HOMER1: variants seen among roughly 807,000 people sequenced by gnomAD.
HOMER1 encodes the protein homer scaffold protein 1.
Under a neutral mutation model 48.9 loss-of-function variants are expected in HOMER1, and 3 were observed. The ratio of observed to expected loss-of-function variants is 0.06; its 90% CI spans 0.03 to 0.16. The LOEUF (loss-of-function observed/expected upper bound fraction) is 0.16. Among genes scored for constraint, HOMER1 ranks in the 10% least tolerant of loss-of-function variants. The probability of loss-of-function intolerance (pLI) is 1.00; values close to 1 mark genes in which losing one functional copy is unlikely to be tolerated. For synonymous variants in HOMER1, 134 were observed against 146.4 expected, an observed-to-expected ratio of 0.92 and a Z score of 0.61; for missense variants, 247 against 411.4, an observed-to-expected ratio of 0.60 and a Z score of 3.46.
chr5:79,402,358 CG>C (rs1749555468), intron 5 of HOMER1, among the ~76,000 whole-genome samples: 1 of 151,860 alleles, frequency 6.6e-6, no homozygotes, highest in African/African-American at 2.4e-5. Flanking sequence ...TTAGTACAGA[CG>C]GGGTTTCCCA....
intron 1 of HOMER1, among the ~76,000 whole-genome samples, chr5:79,457,560 G>C (rs1364787908): frequency 6.6e-6 from 1 of 152,196 alleles, no homozygotes; most frequent in Non-Finnish European, 1.5e-5. Flanking sequence ...AGAAGGCTGT[G>C]ATGTGGAGAA....
chr5:79,380,890 C>T (rs543732301), intron 8 of HOMER1, among the ~76,000 whole-genome samples: 119 of 151,986 alleles, frequency 7.8e-4, no homozygotes, highest in African/African-American at 2.7e-3. Context: ...AGCCCTTTGC[C>T]GCCACTGCCA....
At chr5:79,467,391 C>CAA (rs71767032) in intron 1 of HOMER1, among the ~76,000 whole-genome samples, 16,453 of 50,966 alleles carry the variant, frequency 0.32, 2,079 homozygotes, top group South Asian at 0.39. Flanking sequence ...AACTCCATCT[C>CAA]AAAAAAAAAA....
chr5:79,474,206 ATTTTTTTTT>A (rs1009644672), intron 1 of HOMER1, among the ~76,000 whole-genome samples: 5 of 98,724 alleles, frequency 5.1e-5, no homozygotes, highest in African/African-American at 1.4e-4. Context: ...CCCAACCAAA[ATTTTTTTTT>A]TTTTTTTTTT....
chr5:79,372,984 C>G lies in HOMER1; in HGVS notation c.*3025G>C, dbSNP rs1486920382. On this transcript the variant is annotated 3_prime_UTR_variant, in exon 9 of 9. Transcript: ENST00000334082. ...AATCTATGATGGTGCTGGAGATCTT[C>G]TATAGAGACAAGGAGAGATGCAACT... is the stretch of plus-strand genomic sequence containing the variant. 8 of 151,992 alleles carry G rather than the reference C, an allele frequency of 5.3e-5. No individual in the cohort carries two copies. 9.4% of individuals were successfully genotyped at this position (151,992 alleles called of 1,614,324 possible).
At chr5:79,510,410 G>A (rs576830486) in intron 1 of HOMER1, 9 of 634,252 alleles carry the variant, frequency 1.4e-5, no homozygotes, top group Non-Finnish European at 2.4e-5. Flanking sequence ...AGGCGCTTCA[G>A]GAGCCGCGCC....
chr5:79,380,133 T>C (rs535904866), intron 8 of HOMER1, among the ~76,000 whole-genome samples: 1 of 152,214 alleles, frequency 6.6e-6, no homozygotes, highest in African/African-American at 2.4e-5. Context: ...GATTCCCCAA[T>C]ATGGATAAAG....
In HOMER1 at chr5:79,481,763, TAA is replaced by T. The variant is rs375798641; in HGVS notation, c.6-24747_6-24746del. 2.3e-3 allele frequency among the ~76,000 whole-genome samples: 350 copies of T among 152,206 alleles called. 1 individual carries two copies. The highest frequency in any genetic ancestry group is 8.1e-3 in the African/African-American group (336 of 41,516). On this transcript the variant is annotated intron_variant, in intron 1 of 8. Transcript: ENST00000334082. ...AAGGGAGAGCACATGGGACATTGGGTAAAGTTTCCATAAAGGCATCTCCTCAG... is the reference window on the plus strand; with the variant it reads ...AAGGGAGAGCACATGGGACATTGGGTAGTTTCCATAAAGGCATCTCCTCAG...
At chr5:79,431,762 C>G (rs532875786) in intron 5 of HOMER1, among the ~76,000 whole-genome samples, 1 of 152,152 alleles carries the variant, frequency 6.6e-6, no homozygotes, top group Non-Finnish European at 1.5e-5. Context: ...GTACAATGTA[C>G]ATTTATTTAA....
At chr5:79,385,639 C>T (rs1051992723) in intron 8 of HOMER1, among the ~76,000 whole-genome samples, 1 of 151,858 alleles carries the variant, frequency 6.6e-6, no homozygotes, top group Non-Finnish European at 1.5e-5. Context: ...GTCAAAAGTT[C>T]CAGACCAGCC....
chr5:79,493,419 C>CT (rs1280024816), intron 1 of HOMER1, among the ~76,000 whole-genome samples: 1 of 152,162 alleles, frequency 6.6e-6, no homozygotes, highest in Non-Finnish European at 1.5e-5. Context: ...ATGGCCCTGC[C>CT]TTTTATCATT....
intron 1 of HOMER1, among the ~76,000 whole-genome samples, chr5:79,457,807 T>C (rs927035759): frequency 3.3e-5 from 5 of 152,196 alleles, no homozygotes; most frequent in Admixed American, 6.5e-5. Context: ...AACTTAGTGT[T>C]GCTGGCACCT....
intron 8 of HOMER1, among the ~76,000 whole-genome samples, chr5:79,392,951 A>AAGGG (rs1445963000): frequency 1.9e-4 from 14 of 75,128 alleles, no homozygotes; most frequent in African/African-American, 8.1e-4. Flanking sequence ...AAAGAAGGGA[A>AAGGG]AGGGAGAGAG....
intron 1 of HOMER1, among the ~76,000 whole-genome samples, chr5:79,490,818 T>C (rs1452316447): frequency 6.9e-6 from 1 of 144,322 alleles, no homozygotes; most frequent in Non-Finnish European, 1.5e-5. Flanking sequence ...CCAGGCATGG[T>C]GACACAAAAG....
At chr5:79,467,059 G>A (rs1014748905) in intron 1 of HOMER1, among the ~76,000 whole-genome samples, 3 of 151,992 alleles carry the variant, frequency 2.0e-5, no homozygotes. Flanking sequence ...CAATGTGCTG[G>A]GATTACAGGT....
intron 5 of HOMER1, among the ~76,000 whole-genome samples, chr5:79,411,114 G>T (rs1345463939): frequency 1.3e-5 from 2 of 152,158 alleles, no homozygotes; most frequent in African/African-American, 2.4e-5. Context: ...TTCAAATCTA[G>T]AGGGAGTTCA....
chr5:79,404,201 A>G (rs1331783066), intron 5 of HOMER1, among the ~76,000 whole-genome samples: 1 of 152,248 alleles, frequency 6.6e-6, no homozygotes, highest in Non-Finnish European at 1.5e-5. Flanking sequence ...GGAAGAAACA[A>G]CAATTATTTA....
At chr5:79,475,989 A>G (rs1292278841) in intron 1 of HOMER1, among the ~76,000 whole-genome samples, 3 of 152,210 alleles carry the variant, frequency 2.0e-5, no homozygotes, top group Admixed American at 6.5e-5. Context: ...AGATATATCA[A>G]TAACTTGTCA....
At chr5:79,402,843 T>C (rs990133055) in intron 5 of HOMER1, among the ~76,000 whole-genome samples, 4 of 152,206 alleles carry the variant, frequency 2.6e-5, no homozygotes, top group East Asian at 1.9e-4. Flanking sequence ...TTGTTTTTGA[T>C]TTATTTCATC....
Sources: allele counts gnomAD v4.1 joint callset (sites outside exome capture counted in the v4.1 genomes callset), GRCh38; gene constraint gnomAD v4.1.1; transcripts MANE v1.5; gene names NCBI Gene and HGNC (gene_info 2026-07-23, HGNC 2026-07-21).